The following SLC4A4 variants were observed in gnomAD, a reference collection of about 807,000 sequenced individuals.
SLC4A4 encodes solute carrier family 4 member 4.
SLC4A4 carries 27 observed loss-of-function variants against 111.5 expected under a neutral mutation model. That is an observed-to-expected ratio of 0.24 (90% confidence interval 0.18 to 0.33). The LOEUF is 0.33. Among genes scored for constraint, SLC4A4 ranks in the 10% least tolerant of loss-of-function variants. The probability of loss-of-function intolerance (pLI) is 1.00; values close to 1 mark genes in which losing one functional copy is unlikely to be tolerated. For synonymous variants in SLC4A4, 443 were observed against 463.4 expected (o/e 0.96, Z 0.57); for missense variants, 909 against 1,315.5 (o/e 0.69, Z 4.78).
intron 1 of SLC4A4, among the ~76,000 whole-genome samples, chr4:71,203,840 A>G (rs1204836916): frequency 3.9e-5 from 6 of 152,202 alleles, no homozygotes; most frequent in African/African-American, 9.6e-5. Flanking sequence ...TGCTTAAATG[A>G]TAACTAGTTA....
Position 71,555,125 on chromosome 4 carries a change from T to C in SLC4A4, c.2695-15T>C, listed in dbSNP as rs1246175522. 6 of 1,568,084 alleles carry C rather than the reference T, an allele frequency of 3.8e-6. No individual in the cohort carries two copies. Among genetic ancestry groups the C allele is most frequent in the Non-Finnish European group, 8.8e-7 (1 of 1,139,214 alleles). On this transcript the variant is annotated splice_polypyrimidine_tract_variant and intron_variant, in intron 20 of 25. Coordinates refer to ENST00000264485, the MANE Select transcript of SLC4A4 (RefSeq NM_001098484.3). ...TGTTATCATTTTTAAGTTGTATCCA[T>C]TTTTTTCCTTCTAGTTTATACCCAT...
chr4:71,079,977 C>T (rs1741948836), intron 1 of SLC4A4, among the ~76,000 whole-genome samples: 1 of 152,110 alleles, frequency 6.6e-6, no homozygotes, highest in South Asian at 2.1e-4. Flanking sequence ...GCAAGCAGTT[C>T]TCCTGCCCGT....
At chr4:71,089,658 T>C (rs1234070073) in intron 1 of SLC4A4, among the ~76,000 whole-genome samples, 1 of 151,918 alleles carries the variant, frequency 6.6e-6, no homozygotes, top group Non-Finnish European at 1.5e-5. Flanking sequence ...TTGCTGGAGG[T>C]CCAATACAGA....
chr4:71,332,593 C>T (rs893582812), intron 3 of SLC4A4, among the ~76,000 whole-genome samples: 2 of 151,942 alleles, frequency 1.3e-5, no homozygotes, highest in Admixed American at 1.3e-4. Context: ...TACAGGCGCC[C>T]GCCACTGCGC....
intron 8 of SLC4A4, among the ~76,000 whole-genome samples, chr4:71,447,444 C>G (rs565898749): frequency 3.3e-5 from 5 of 152,218 alleles, no homozygotes; most frequent in African/African-American, 1.2e-4. Context: ...TCATTTGCCT[C>G]CAAATAAACT....
intron 16 of SLC4A4, 31 bp from the exon 17 acceptor site, chr4:71,532,031 A>G (rs773557779): frequency 7.7e-7 from 1 of 1,295,916 alleles, no homozygotes; most frequent in South Asian, 1.2e-5. Flanking sequence ...CTGGTGCTAA[A>G]TGGTTCCTGG....
chr4:71,352,881 C>T (rs1008906168), intron 5 of SLC4A4, among the ~76,000 whole-genome samples: 4 of 152,154 alleles, frequency 2.6e-5, no homozygotes, highest in Non-Finnish European at 5.9e-5. Context: ...AGTTGAACAG[C>T]ATCCCTGCTG....
intron 8 of SLC4A4, among the ~76,000 whole-genome samples, chr4:71,445,070 T>C (rs1725102120): frequency 6.6e-6 from 1 of 152,218 alleles, no homozygotes; most frequent in African/African-American, 2.4e-5. Context: ...TACTTTTATA[T>C]CTGTGTTACT....
intron 2 of SLC4A4, among the ~76,000 whole-genome samples, chr4:71,241,939 G>A (rs1720270325): frequency 1.3e-5 from 2 of 152,164 alleles, no homozygotes; most frequent in Admixed American, 1.3e-4. Flanking sequence ...AGGTCCTCAA[G>A]TATGCAGCAC....
At chr4:71,532,356 T>C (rs1424749674) in intron 17 of SLC4A4, among the ~76,000 whole-genome samples, 181 bp downstream of exon 17, 2 of 152,156 alleles carry the variant, frequency 1.3e-5, no homozygotes, top group African/African-American at 4.8e-5. Context: ...CAATTAAATG[T>C]CAAGACTAGG....
intron 3 of SLC4A4, among the ~76,000 whole-genome samples, chr4:71,319,532 A>G (rs1457722053): frequency 6.6e-6 from 1 of 152,008 alleles, no homozygotes; most frequent in African/African-American, 2.4e-5. Context: ...ATTTCTTGGC[A>G]TTATTTTTTC....
At chr4:71,107,089 A>G (rs1005724099) in intron 2 of SLC4A4, among the ~76,000 whole-genome samples, 19 of 151,830 alleles carry the variant, frequency 1.3e-4, no homozygotes, top group Non-Finnish European at 2.2e-4. Context: ...TTAACTTTCA[A>G]TCTGTTAGTG....
At chr4:71,093,577 A>T (rs1447711616) in intron 2 of SLC4A4, among the ~76,000 whole-genome samples, 1 of 152,218 alleles carries the variant, frequency 6.6e-6, no homozygotes, top group East Asian at 1.9e-4. Flanking sequence ...ACTTGTTTTG[A>T]ATTGATAAAC....
intron 3 of SLC4A4, among the ~76,000 whole-genome samples, chr4:71,268,862 C>T (rs937796936): frequency 3.9e-5 from 6 of 152,126 alleles, no homozygotes; most frequent in Non-Finnish European, 5.9e-5. Context: ...GACTAAGCCG[C>T]GTTAACTATA....
chr4:71,183,016 A>T (rs1205981706), upstream of SLC4A4, among the ~76,000 whole-genome samples: 1 of 152,188 alleles, frequency 6.6e-6, no homozygotes, highest in East Asian at 1.9e-4. Context: ...CGTAATAAAT[A>T]TGTTGATACC....
chr4:71,067,611 C>T (rs1360105328), intron 1 of SLC4A4, among the ~76,000 whole-genome samples: 6 of 152,092 alleles, frequency 3.9e-5, no homozygotes, highest in South Asian at 2.1e-4. Flanking sequence ...GTTGAATCTA[C>T]GAGTCTGATT....
intron 18 of SLC4A4, among the ~76,000 whole-genome samples, chr4:71,535,148 C>T (rs958414071): frequency 3.9e-5 from 6 of 151,900 alleles, no homozygotes; most frequent in African/African-American, 1.4e-4. Context: ...CTTCTAAGCA[C>T]TTTGTATTAT....
intron 3 of SLC4A4, among the ~76,000 whole-genome samples, chr4:71,335,353 T>C (rs1728346873): frequency 6.6e-6 from 1 of 152,218 alleles, no homozygotes; most frequent in Admixed American, 6.5e-5. Flanking sequence ...TTTGGTAATG[T>C]GAACACACTA....
At chr4:71,117,280 CA>C (rs1237154063) in intron 2 of SLC4A4, among the ~76,000 whole-genome samples, 2 of 152,020 alleles carry the variant, frequency 1.3e-5, no homozygotes, top group Non-Finnish European at 2.9e-5. Flanking sequence ...CACATCCCAC[CA>C]AAAATGTTTT....
Sources: allele counts gnomAD v4.1 joint callset (sites outside exome capture counted in the v4.1 genomes callset), GRCh38; gene constraint gnomAD v4.1.1; transcripts MANE v1.5; gene names NCBI Gene and HGNC (gene_info 2026-07-23, HGNC 2026-07-21).